Variants in EYA1 observed in about 807,000 individuals in gnomAD.
The protein encoded by EYA1 is protein phosphatase EYA1.
In EYA1, 16 loss-of-function variants were observed where a neutral mutation model predicts 82.0. The ratio of observed to expected loss-of-function variants is 0.20; its 90% CI spans 0.13 to 0.30. The LOEUF is 0.30. EYA1 is among the 10% of genes least tolerant of loss of function. EYA1 has a pLI of 1.00. For missense variants in EYA1, 633 were observed against 730.7 expected (o/e 0.87, Z 1.54); for synonymous variants, 261 against 264.4 (o/e 0.99, Z 0.12).
upstream of EYA1, among the ~76,000 whole-genome samples, chr8:71,366,513 C>T (rs564201294): frequency 6.6e-6 from 1 of 152,132 alleles, no homozygotes; most frequent in Non-Finnish European, 1.5e-5. Context: ...TGGGCAAAAC[C>T]AATCTTGTCA....
At chr8:71,289,926 A>T (rs540397989) in intron 9 of EYA1, among the ~76,000 whole-genome samples, 1 of 152,288 alleles carries the variant, frequency 6.6e-6, no homozygotes, top group African/African-American at 2.4e-5. Flanking sequence ...AAAAAGCTAA[A>T]CATACTTGAA....
At position 71,324,661 on chromosome 8, in the gene EYA1, G is replaced by C. The variant is rs537408626; in HGVS notation, c.203-2393C>G. 2.0e-5 allele frequency among the ~76,000 whole-genome samples: 3 copies of C among 152,296 alleles called. No homozygotes were observed. The South Asian group carries it at 6.2e-4, about 32-fold the overall frequency. ...ACATATAAGGAACTAAGGGCTGATA[G>C]AAGTAAAGTAACGTATCTAAGCAAA... On this transcript the variant is annotated intron_variant, in intron 4 of 17. Coordinates refer to ENST00000340726, the MANE Select transcript of EYA1 (RefSeq NM_000503.6).
chr8:71,501,527 C>A (rs1238137680), intron 2 of EYA1, among the ~76,000 whole-genome samples: 1 of 152,146 alleles, frequency 6.6e-6, no homozygotes, highest in Non-Finnish European at 1.5e-5. Flanking sequence ...CATGCCTGGA[C>A]AAATTTAGAT....
At chr8:71,434,584 A>G (rs1163711961) in intron 2 of EYA1, among the ~76,000 whole-genome samples, 1 of 152,186 alleles carries the variant, frequency 6.6e-6, no homozygotes, top group African/African-American at 2.4e-5. Context: ...CCAAGGAAAC[A>G]AGGTCCTTCA....
intron 2 of EYA1, among the ~76,000 whole-genome samples, chr8:71,512,788 T>G (rs1812697179): frequency 6.6e-6 from 1 of 152,118 alleles, no homozygotes; most frequent in Admixed American, 6.6e-5. Context: ...AAAATAACAC[T>G]AATTTCACAT....
chr8:71,330,385 AT>A (rs1429479826), intron 4 of EYA1, among the ~76,000 whole-genome samples: 5 of 152,124 alleles, frequency 3.3e-5, no homozygotes, highest in Non-Finnish European at 7.3e-5. Context: ...TCTATCAATT[AT>A]CCCCCTACTT....
chr8:71,244,304 A>G (rs1468378530), intron 12 of EYA1, among the ~76,000 whole-genome samples: 1 of 152,260 alleles, frequency 6.6e-6, no homozygotes, highest in Non-Finnish European at 1.5e-5. Flanking sequence ...TGTTGGACAT[A>G]TCTTAGTGGT....
intron 2 of EYA1, among the ~76,000 whole-genome samples, chr8:71,408,190 C>T (rs1212198784): frequency 6.6e-6 from 1 of 152,020 alleles, no homozygotes; most frequent in South Asian, 2.1e-4. Flanking sequence ...TTTGTCACCA[C>T]TAGGCCTGCC....
chr8:71,347,903 A>C (rs948426049), intron 3 of EYA1, among the ~76,000 whole-genome samples: 2 of 151,132 alleles, frequency 1.3e-5, no homozygotes, highest in South Asian at 2.1e-4. Context: ...AAAAAAAAAA[A>C]AAAACCCCAA....
chr8:71,223,916 T>G (rs749238514), intron 12 of EYA1, among the ~76,000 whole-genome samples: 1 of 152,222 alleles, frequency 6.6e-6, no homozygotes, highest in Non-Finnish European at 1.5e-5. Context: ...AGCCTTTCAC[T>G]TGTACCATAA....
chr8:71,349,672 A>G (rs1353359285), intron 3 of EYA1, among the ~76,000 whole-genome samples: 4 of 152,246 alleles, frequency 2.6e-5, no homozygotes, highest in Non-Finnish European at 4.4e-5. Flanking sequence ...ACGTCCTCAC[A>G]GAAAGTCTGA....
intron 2 of EYA1, among the ~76,000 whole-genome samples, chr8:71,388,436 G>A (rs994371164): frequency 2.6e-5 from 4 of 152,078 alleles, no homozygotes; most frequent in African/African-American, 9.7e-5. Context: ...AAACAGTGAG[G>A]GTGACCAGAG....
At chr8:71,299,863 T>G (rs949357281) in intron 7 of EYA1, 143 bp from the exon 8 acceptor site, 7 of 646,474 alleles carry the variant, frequency 1.1e-5, no homozygotes, top group Non-Finnish European at 1.9e-5. Context: ...AATGTAGTTT[T>G]CTTAACATAG....
chr8:71,339,953 C>G (rs1824931205), intron 3 of EYA1, among the ~76,000 whole-genome samples: 1 of 151,990 alleles, frequency 6.6e-6, no homozygotes, highest in Non-Finnish European at 1.5e-5. Flanking sequence ...CATTTCTGTC[C>G]TGGCCACACT....
intron 2 of EYA1, among the ~76,000 whole-genome samples, chr8:71,405,822 C>T (rs1019775678): frequency 2.0e-5 from 3 of 152,196 alleles, no homozygotes; most frequent in African/African-American, 4.8e-5. Flanking sequence ...AAACCTATTA[C>T]TTTCCTTCTT....
chr8:71,374,625 A>G (rs1828263498), intron 2 of EYA1, among the ~76,000 whole-genome samples: 1 of 152,216 alleles, frequency 6.6e-6, no homozygotes, highest in African/African-American at 2.4e-5. Context: ...GAATTGTCGT[A>G]TGACTTAGCA....
intron 2 of EYA1, among the ~76,000 whole-genome samples, chr8:71,396,715 G>T (rs1829640358): frequency 6.6e-6 from 1 of 152,166 alleles, no homozygotes; most frequent in South Asian, 2.1e-4. Context: ...TTCCAACTAT[G>T]TGGTCAATTT....
chr8:71,308,382 G>A (rs1820956593), intron 7 of EYA1, among the ~76,000 whole-genome samples: 1 of 152,164 alleles, frequency 6.6e-6, no homozygotes, highest in Non-Finnish European at 1.5e-5. Context: ...CCCAGGGACA[G>A]TGCATCACAA....
At chr8:71,246,515 C>T (rs896053223) in intron 11 of EYA1, among the ~76,000 whole-genome samples, 22 of 152,254 alleles carry the variant, frequency 1.4e-4, no homozygotes, top group Admixed American at 3.3e-4. Flanking sequence ...TAGACATGCC[C>T]GTGTGTTACC....
Sources: gnomAD v4.1 joint callset for allele counts (sites outside exome capture counted in the v4.1 genomes callset) on GRCh38, gnomAD v4.1.1 for gene constraint, MANE v1.5 for transcripts, NCBI Gene and HGNC (gene_info 2026-07-23, HGNC 2026-07-21) for gene names.